ROBO2: variants seen among roughly 807,000 people sequenced by gnomAD.
The protein encoded by ROBO2 is roundabout homolog 2.
ROBO2 carries 53 observed loss-of-function variants against 160.8 expected under a neutral mutation model. That is an observed-to-expected ratio of 0.33 (90% CI 0.26 to 0.41). ROBO2 has a LOEUF of 0.41. ROBO2 is among the 10% of genes least tolerant of loss of function. ROBO2 has a pLI of 1.00. For synonymous variants in ROBO2, 664 were observed against 611.7 expected (o/e 1.09, Z -1.26); for missense variants, 1,577 against 1,722.4 (o/e 0.92, Z 1.49).
At chr3:77,539,041 C>T (rs1226699401) in intron 6 of ROBO2, among the ~76,000 whole-genome samples, 7 of 152,272 alleles carry the variant, frequency 4.6e-5, no homozygotes, top group African/African-American at 1.7e-4. Flanking sequence ...CCTCAGCCTC[C>T]TGAGGAGCCG....
chr3:77,011,421 T>C (rs2061916430), intron 2 of ROBO2, among the ~76,000 whole-genome samples: 1 of 152,146 alleles, frequency 6.6e-6, no homozygotes, highest in Non-Finnish European at 1.5e-5. Flanking sequence ...CTTCAGCTTA[T>C]TACTTAAAAT....
chr3:76,209,427 T>C (rs956989897), intron 2 of ROBO2, among the ~76,000 whole-genome samples: 1 of 152,176 alleles, frequency 6.6e-6, no homozygotes, highest in African/African-American at 2.4e-5. Context: ...TTAGTCCCAA[T>C]AGATGCAGCC....
At chr3:76,829,000 T>C (rs1273355843) in intron 2 of ROBO2, among the ~76,000 whole-genome samples, 2 of 152,110 alleles carry the variant, frequency 1.3e-5, no homozygotes, top group African/African-American at 4.8e-5. Context: ...CTTCTTGCCT[T>C]CTGGTCTACA....
chr3:77,238,673 C>T (rs1374373512), intron 2 of ROBO2, among the ~76,000 whole-genome samples: 2 of 152,076 alleles, frequency 1.3e-5, no homozygotes, highest in Admixed American at 1.3e-4. Flanking sequence ...ATTTAGTAGG[C>T]TAAAGCTACT....
At chr3:77,343,438 T>C (rs2067285807) in intron 2 of ROBO2, among the ~76,000 whole-genome samples, 1 of 152,184 alleles carries the variant, frequency 6.6e-6, no homozygotes, top group Non-Finnish European at 1.5e-5. Flanking sequence ...TAATCTCTAC[T>C]CTTAATTATC....
chr3:77,269,095 G>A (rs1034911793), intron 2 of ROBO2, among the ~76,000 whole-genome samples: 6 of 144,608 alleles, frequency 4.1e-5, no homozygotes, highest in Admixed American at 7.2e-5. Context: ...TCCTGTGTTG[G>A]TATAAAAAAT....
chr3:77,080,338 G>T (rs529732300), intron 1 of ROBO2, among the ~76,000 whole-genome samples: 2 of 152,106 alleles, frequency 1.3e-5, no homozygotes, highest in Non-Finnish European at 2.9e-5. Flanking sequence ...CCAGATGGAG[G>T]CTGAAGATTT....
intron 2 of ROBO2, among the ~76,000 whole-genome samples, chr3:77,302,298 G>A (rs73106071): frequency 1.3e-5 from 2 of 151,894 alleles, no homozygotes; most frequent in Non-Finnish European, 2.9e-5. Context: ...ATCTCATAGG[G>A]TGGTTGTAAA....
intron 2 of ROBO2, among the ~76,000 whole-genome samples, chr3:76,549,260 G>A (rs1174955157): frequency 1.3e-5 from 2 of 152,088 alleles, no homozygotes; most frequent in Non-Finnish European, 1.5e-5. Flanking sequence ...AATATACTGA[G>A]TTCTGGCAAT....
intron 2 of ROBO2, among the ~76,000 whole-genome samples, chr3:76,382,547 C>A (rs565071550): frequency 1.9e-4 from 29 of 152,232 alleles, no homozygotes; most frequent in South Asian, 6.2e-4. Flanking sequence ...AGATCGCGCC[C>A]CTGCACTCCA....
At chr3:77,595,410 T>G (rs1273184245) in intron 18 of ROBO2, among the ~76,000 whole-genome samples, 3 of 152,176 alleles carry the variant, frequency 2.0e-5, no homozygotes, top group African/African-American at 7.2e-5. Flanking sequence ...AAATTAGTAG[T>G]AAATATCACA....
At chr3:76,170,908 C>T (rs919045957) in intron 2 of ROBO2, among the ~76,000 whole-genome samples, 4 of 152,258 alleles carry the variant, frequency 2.6e-5, no homozygotes, top group South Asian at 2.1e-4. Flanking sequence ...ATGTTCTACA[C>T]TAATACAGTG....
chr3:76,105,949 C>T (rs200497499), intron 2 of ROBO2, among the ~76,000 whole-genome samples: 1 of 152,102 alleles, frequency 6.6e-6, no homozygotes, highest in South Asian at 2.1e-4. Context: ...TACCACTGTA[C>T]AATGGTTTCA....
intron 2 of ROBO2, among the ~76,000 whole-genome samples, chr3:77,293,419 C>CG (rs1455035970): frequency 2.1e-5 from 3 of 140,974 alleles, no homozygotes; most frequent in Non-Finnish European, 4.5e-5. Flanking sequence ...GATGGTTAAA[C>CG]GGGTAAGCTG....
chr3:77,495,960 T>C (rs1234982455), intron 5 of ROBO2, among the ~76,000 whole-genome samples: 2 of 152,240 alleles, frequency 1.3e-5, no homozygotes, highest in South Asian at 2.1e-4. Context: ...CTTAAGCTGC[T>C]ACACTGTTCT....
chr3:77,321,403 G>A (rs2064683696), intron 2 of ROBO2, among the ~76,000 whole-genome samples: 1 of 152,068 alleles, frequency 6.6e-6, no homozygotes, highest in South Asian at 2.1e-4. Context: ...TGTGGTTCCA[G>A]CTGCTTGGGC....
chr3:75,909,653 T>C (rs1308053353), intron 1 of ROBO2, among the ~76,000 whole-genome samples: 3 of 152,208 alleles, frequency 2.0e-5, no homozygotes, highest in African/African-American at 7.2e-5. Flanking sequence ...TTCTCTTCCC[T>C]CAGATCCTAC....
At chr3:76,105,027 G>A (rs528519133) in intron 2 of ROBO2, among the ~76,000 whole-genome samples, 34 of 152,164 alleles carry the variant, frequency 2.2e-4, no homozygotes, top group African/African-American at 8.2e-4. Flanking sequence ...TGTTTGCCAG[G>A]GTAAAGAGAA....
At chr3:76,162,260 C>T (rs966361551) in intron 2 of ROBO2, among the ~76,000 whole-genome samples, 30 of 152,212 alleles carry the variant, frequency 2.0e-4, no homozygotes, top group African/African-American at 7.0e-4. Flanking sequence ...AGTGAAATAG[C>T]TTTGATTTGA....
Sources: allele counts gnomAD v4.1 joint callset (sites outside exome capture counted in the v4.1 genomes callset), GRCh38; gene constraint gnomAD v4.1.1; transcripts MANE v1.5; gene names NCBI Gene and HGNC (gene_info 2026-07-23, HGNC 2026-07-21).